Variants in GPR39 observed in about 807,000 individuals in gnomAD.
The protein encoded by GPR39 is zinc sensing receptor.
GPR39 carries 23 observed loss-of-function variants against 18.4 expected under a neutral mutation model. The ratio of observed to expected loss-of-function variants is 1.25; its 90% CI spans 0.90 to 1.77. The LOEUF is 1.77. Ranked by LOEUF, GPR39 falls within the 40% of genes most tolerant of loss-of-function variation. GPR39 has a pLI of 0.00. For missense variants in GPR39, 647 were observed against 602.4 expected, an observed-to-expected ratio of 1.07 and a Z score of -0.78; for synonymous variants, 280 against 257.9, an observed-to-expected ratio of 1.09 and a Z score of -0.82.
At chr2:132,491,522 G>A (rs1299158586) in intron 1 of GPR39, among the ~76,000 whole-genome samples, 2 of 151,960 alleles carry the variant, frequency 1.3e-5, no homozygotes, top group Non-Finnish European at 2.9e-5. Flanking sequence ...GTATATATAG[G>A]GGAATAGGGG....
chr2:132,628,843 A>G (rs1429232722), intron 1 of GPR39, among the ~76,000 whole-genome samples: 1 of 151,848 alleles, frequency 6.6e-6, no homozygotes, highest in East Asian at 1.9e-4. Flanking sequence ...CACTTTAATG[A>G]GATTCAGTTT....
At chr2:132,589,383 G>T (rs764964431) in intron 1 of GPR39, among the ~76,000 whole-genome samples, 1 of 152,222 alleles carries the variant, frequency 6.6e-6, no homozygotes, top group African/African-American at 2.4e-5. Context: ...TAATTGTCAC[G>T]TTGAATCAAA....
At chr2:132,496,969 G>T (rs756095571) in intron 1 of GPR39, among the ~76,000 whole-genome samples, 5 of 152,304 alleles carry the variant, frequency 3.3e-5, no homozygotes, top group Non-Finnish European at 7.3e-5. Context: ...TATCCACTTG[G>T]TTTCCCAATT....
At chr2:132,633,352 G>A (rs1476471008) in intron 1 of GPR39, among the ~76,000 whole-genome samples, 4 of 149,592 alleles carry the variant, frequency 2.7e-5, no homozygotes, top group African/African-American at 7.3e-5. Context: ...GTGTGTGTGT[G>A]TGTGTGTGTG....
chr2:132,428,162 T>C (rs1037094443), intron 1 of GPR39, among the ~76,000 whole-genome samples: 2 of 152,038 alleles, frequency 1.3e-5, no homozygotes, highest in African/African-American at 4.8e-5. Flanking sequence ...TTCCTCATTA[T>C]TGAATCTCTT....
intron 1 of GPR39, among the ~76,000 whole-genome samples, chr2:132,478,536 A>G (rs920899433): frequency 1.3e-5 from 2 of 152,224 alleles, no homozygotes; most frequent in Non-Finnish European, 2.9e-5. Context: ...AATCAATACT[A>G]CGTAACAAGA....
chr2:132,483,005 G>A (rs1247248603), intron 1 of GPR39, among the ~76,000 whole-genome samples: 2 of 152,238 alleles, frequency 1.3e-5, no homozygotes, highest in Admixed American at 6.5e-5. Flanking sequence ...TGGAGTGCAC[G>A]GACCTGAGAG....
In GPR39 at chr2:132,419,175, C is replaced by T. The variant is rs180704979; in HGVS notation, c.856+1277C>T. The stretch of plus-strand genomic sequence containing the variant: ...GCAGCCATGGATTGCCCCCAGGGAG[C>T]TGGGCTTTGAGAGCTGTGGCAGGTG... On this transcript the variant is annotated intron_variant, in intron 1 of 1. Coordinates refer to ENST00000329321, the MANE Select transcript of GPR39 (RefSeq NM_001508.3). Among the ~76,000 whole-genome samples, 214 of 152,336 alleles carry T rather than the reference C, an allele frequency of 1.4e-3. 2 individuals are homozygous for T. Among genetic ancestry groups the T allele is most frequent in the African/African-American group, 4.8e-3 (198 of 41,572 alleles).
chr2:132,545,156 C>T (rs1370869123), intron 1 of GPR39, among the ~76,000 whole-genome samples: 2 of 152,208 alleles, frequency 1.3e-5, no homozygotes, highest in South Asian at 2.1e-4. Flanking sequence ...TTGTCTGCCT[C>T]CTGCCACTAT....
At chr2:132,491,555 C>A (rs1681461150) in intron 1 of GPR39, among the ~76,000 whole-genome samples, 1 of 151,786 alleles carries the variant, frequency 6.6e-6, no homozygotes, top group South Asian at 2.1e-4. Flanking sequence ...TGGTGGCATG[C>A]AATGACCAAA....
At chr2:132,642,896 T>A (rs1217821262) in intron 1 of GPR39, among the ~76,000 whole-genome samples, 1 of 152,174 alleles carries the variant, frequency 6.6e-6, no homozygotes, top group Non-Finnish European at 1.5e-5. Flanking sequence ...ATGCAAAACT[T>A]TGTGAAAATA....
chr2:132,639,755 A>G (rs772564617), intron 1 of GPR39, among the ~76,000 whole-genome samples: 1 of 152,130 alleles, frequency 6.6e-6, no homozygotes, highest in Non-Finnish European at 1.5e-5. Flanking sequence ...TTTGAGCAGG[A>G]AACGTTCTCC....
intron 1 of GPR39, among the ~76,000 whole-genome samples, chr2:132,565,306 G>T (rs1486989812): frequency 2.0e-5 from 3 of 151,896 alleles, no homozygotes; most frequent in African/African-American, 7.2e-5. Context: ...CGCTCAAGTT[G>T]CAGTCTTCCT....
chr2:132,468,737 G>T (rs1393487537), intron 1 of GPR39, among the ~76,000 whole-genome samples: 2 of 152,174 alleles, frequency 1.3e-5, no homozygotes, highest in African/African-American at 4.8e-5. Context: ...GGAAGGTGGG[G>T]CAGGGCAGGT....
intron 1 of GPR39, among the ~76,000 whole-genome samples, chr2:132,571,974 G>T (rs1244291127): frequency 6.6e-6 from 1 of 152,104 alleles, no homozygotes; most frequent in Non-Finnish European, 1.5e-5. Flanking sequence ...ACCTCAGCCT[G>T]GGCAAGCTAC....
At chr2:132,442,480 G>T (rs1351913556) in intron 1 of GPR39, among the ~76,000 whole-genome samples, 1 of 152,146 alleles carries the variant, frequency 6.6e-6, no homozygotes, top group South Asian at 2.1e-4. Context: ...CACCGCTCAG[G>T]CCCCAGGGAA....
At chr2:132,421,899 C>T (rs1048826499) in intron 1 of GPR39, among the ~76,000 whole-genome samples, 5 of 151,892 alleles carry the variant, frequency 3.3e-5, no homozygotes, top group African/African-American at 9.7e-5. Context: ...TGAGGACAAT[C>T]GTTACCTGAA....
chr2:132,486,915 C>T (rs1296794790), intron 1 of GPR39, among the ~76,000 whole-genome samples: 2 of 152,216 alleles, frequency 1.3e-5, no homozygotes, highest in Non-Finnish European at 2.9e-5. Flanking sequence ...TTCAGCCTAA[C>T]TCGGCTTTCG....
intron 1 of GPR39, among the ~76,000 whole-genome samples, chr2:132,426,637 T>G (rs1292029532): frequency 6.6e-6 from 1 of 152,212 alleles, no homozygotes; most frequent in Non-Finnish European, 1.5e-5. Context: ...CTAACAGACT[T>G]TATCATTTTC....
Sources: allele counts gnomAD v4.1 joint callset (sites outside exome capture counted in the v4.1 genomes callset), GRCh38; gene constraint gnomAD v4.1.1; transcripts MANE v1.5; gene names NCBI Gene and HGNC (gene_info 2026-07-23, HGNC 2026-07-21).